The following ALDH8A1 variants were observed in gnomAD, a reference collection of about 807,000 sequenced individuals.
ALDH8A1 encodes the protein aldehyde dehydrogenase 8 family member A1.
A neutral mutation model predicts 43.3 loss-of-function variants in ALDH8A1; 39 were observed. The ratio of observed to expected loss-of-function variants is 0.90; its 90% confidence interval spans 0.70 to 1.18. ALDH8A1 has a LOEUF of 1.18. Ranked by LOEUF, ALDH8A1 falls within the 50% of genes most tolerant of loss-of-function variation. The pLI is 0.00. For synonymous variants in ALDH8A1, 233 were observed against 243.5 expected, an observed-to-expected ratio of 0.96 and a Z score of 0.40; for missense variants, 605 against 622.6, an observed-to-expected ratio of 0.97 and a Z score of 0.30.
Position 134,918,753 on chromosome 6 carries a change from T to C in ALDH8A1, c.1126A>G (p.Thr376Ala). Residue 376 changes from threonine to alanine, a missense_variant, in exon 7 of 7, where the codon ACG (threonine) becomes GCG (alanine). Thr to Ala is a moderately conservative substitution (Grantham distance 58). Transcript: ENST00000265605. ...RNQAGYFMLP[T>A]VITDIKDESC... Reference sequence around the variant, plus strand: ...TCATCCTTAATGTCTGTTATCACCGTGGGAAGCATAAAGTAGCCTGCCTGG... The same window carrying C: ...TCATCCTTAATGTCTGTTATCACCGCGGGAAGCATAAAGTAGCCTGCCTGG... 6.2e-7 allele frequency: 1 copy of C among 1,614,210 alleles called. No individual in the cohort carries two copies. The highest frequency in any genetic ancestry group is 2.2e-5 in the East Asian group (1 of 44,880).
chr6:134,943,728 C>A, intron 2 of ALDH8A1, 91 bp downstream of exon 2: 2 of 1,522,500 alleles, frequency 1.3e-6, no homozygotes, highest in Non-Finnish European at 1.8e-6. Flanking sequence ...GAGGAGCAGG[C>A]ACATGGGCTG....
intron 4 of ALDH8A1, among the ~76,000 whole-genome samples, chr6:134,938,769 T>C (rs1014398747): frequency 4.6e-5 from 7 of 152,046 alleles, no homozygotes; most frequent in African/African-American, 1.7e-4. Context: ...TGCCTCAGTC[T>C]CCCAAGTAGC....
At chr6:134,946,065 G>T (rs1318941412) in intron 1 of ALDH8A1, among the ~76,000 whole-genome samples, 1 of 152,208 alleles carries the variant, frequency 6.6e-6, no homozygotes, top group African/African-American at 2.4e-5. Flanking sequence ...CCCCAGCCAT[G>T]CAGGACTGAG....
rs745879607 is a variant in ALDH8A1 at position 134,929,081 on chromosome 6, A to G, written c.984T>C (p.Ala328=). The part of the protein sequence containing the change: ...IPSDPLVSIG[A]LISKAHLEKV... ...TCTCCAAATGTGCTTTACTTATCAG[A>G]GCACCTATGCTCACCAGTGGATCAG... is the stretch of plus-strand genomic sequence containing the variant. Residue 328 remains alanine, a synonymous_variant, in exon 6 of 7, where the codon GCT becomes GCC. Coordinates refer to ENST00000265605, the MANE Select transcript of ALDH8A1 (RefSeq NM_022568.4). The G allele has an allele frequency of 6.2e-7, 1 of 1,614,124 alleles. No homozygotes were observed. Among genetic ancestry groups the G allele is most frequent in the South Asian group, 1.1e-5 (1 of 91,048 alleles).
intron 1 of ALDH8A1, among the ~76,000 whole-genome samples, chr6:134,946,793 G>A (rs888532021): frequency 6.6e-6 from 1 of 150,944 alleles, no homozygotes. Flanking sequence ...CGCGCGCACA[G>A]GTGCGCATGT....
At chr6:134,949,126 C>A (rs1202278351) in intron 1 of ALDH8A1, among the ~76,000 whole-genome samples, 1 of 151,992 alleles carries the variant, frequency 6.6e-6, no homozygotes. Flanking sequence ...TTTAAATAAT[C>A]TAGTTATTTG....
intron 1 of ALDH8A1, among the ~76,000 whole-genome samples, chr6:134,948,632 G>A (rs1199495432): frequency 6.6e-6 from 1 of 152,174 alleles, no homozygotes; most frequent in African/African-American, 2.4e-5. Flanking sequence ...TGATGTTTTG[G>A]AAATTGGACA....
intron 2 of ALDH8A1, 101 bp downstream of exon 2, chr6:134,943,718 G>A: frequency 6.7e-7 from 1 of 1,501,020 alleles, no homozygotes; most frequent in Non-Finnish European, 9.0e-7. Context: ...ACTATTGCCA[G>A]AGGAGCAGGC....
intron 6 of ALDH8A1, among the ~76,000 whole-genome samples, chr6:134,927,187 A>C (rs1374848433): frequency 6.6e-6 from 1 of 152,222 alleles, no homozygotes. Flanking sequence ...TCATGAACAC[A>C]TAGAATCTGC....
chr6:134,935,923 G>T (rs1583030522), intron 4 of ALDH8A1, among the ~76,000 whole-genome samples: 1 of 151,478 alleles, frequency 6.6e-6, no homozygotes, highest in South Asian at 2.1e-4. Flanking sequence ...GATTCCACAA[G>T]TTGTGATGGT....
rs546481623 is a variant in ALDH8A1 at position 134,942,178 on chromosome 6, C to A, written c.442+231G>T. 199 of 353,874 alleles carry A rather than the reference C, an allele frequency of 5.6e-4. 2 individuals are homozygous for A. The highest frequency in any genetic ancestry group is 3.8e-3 in the African/African-American group (182 of 47,712). The allele number at this position is 353,874 out of a possible 1,614,324, so 21.9% of individuals were successfully genotyped here. A position where few individuals can be genotyped will look rare whatever the true frequency, so the allele number is the denominator to read the frequency against. ...GAGGTTGCAGTGAGCCGAGATCATG[C>A]CACTGCACTCCAGCCTGGGCGACAG... On this transcript the variant is annotated intron_variant, in intron 3 of 6. Transcript: ENST00000265605.
intron 1 of ALDH8A1, among the ~76,000 whole-genome samples, chr6:134,947,526 A>G (rs939428079): frequency 1.3e-5 from 2 of 152,184 alleles, no homozygotes; most frequent in African/African-American, 4.8e-5. Context: ...GAGCTTGTAT[A>G]TATACATATA....
intron 6 of ALDH8A1, among the ~76,000 whole-genome samples, chr6:134,921,861 A>G (rs1776804569): frequency 1.3e-5 from 2 of 152,194 alleles, no homozygotes; most frequent in African/African-American, 4.8e-5. Context: ...TCCAGCCCAG[A>G]TGGTTTGGCA....
chr6:134,924,422 G>A (rs1776853318), intron 6 of ALDH8A1, among the ~76,000 whole-genome samples: 1 of 152,136 alleles, frequency 6.6e-6, no homozygotes, highest in Admixed American at 6.5e-5. Context: ...CCTTGGACTG[G>A]TGCCTCCATT....
rs147263960 is a variant in ALDH8A1 at position 134,936,750 on chromosome 6, T to C, written c.592+2516A>G. Among the ~76,000 whole-genome samples, 7 of 152,362 alleles carry C rather than the reference T, an allele frequency of 4.6e-5. No homozygotes were observed. The East Asian group carries it at 5.8e-4, about 13-fold the overall frequency. On this transcript the variant is annotated intron_variant, in intron 4 of 6. Coordinates refer to ENST00000265605, the MANE Select transcript of ALDH8A1 (RefSeq NM_022568.4). Reference sequence around the variant, plus strand: ...ATTCCCTTGGGCTTGGATGCTAATGTCAGCTGGCCATTATTTCTCAGTACC... The same window carrying C: ...ATTCCCTTGGGCTTGGATGCTAATGCCAGCTGGCCATTATTTCTCAGTACC...
intron 6 of ALDH8A1, among the ~76,000 whole-genome samples, chr6:134,919,256 G>A (rs1190488683): frequency 1.3e-5 from 2 of 152,156 alleles, no homozygotes; most frequent in African/African-American, 2.4e-5. Context: ...AAACAGTAAA[G>A]TTAGAATTCA....
At chr6:134,939,758 C>T (rs1363124713) in intron 3 of ALDH8A1, among the ~76,000 whole-genome samples, 1 of 152,154 alleles carries the variant, frequency 6.6e-6, no homozygotes. Flanking sequence ...AAGATACATG[C>T]ACGCGTATGT....
chr6:134,932,184 G>A (rs913686643), intron 5 of ALDH8A1, among the ~76,000 whole-genome samples: 1 of 152,168 alleles, frequency 6.6e-6, no homozygotes, highest in Non-Finnish European at 1.5e-5. Context: ...ATCTGGTGTA[G>A]TGTTCTTAAC....
intron 1 of ALDH8A1, 94 bp from the exon 2 acceptor site, chr6:134,944,060 T>TTTTTGTTTTG (rs4646872): frequency 9.6e-5 from 124 of 1,297,226 alleles, no homozygotes; most frequent in Middle Eastern, 2.5e-4. Flanking sequence ...ACACACCTCA[T>TTTTTGTTTTG]TTTTGTTTTG....
Sources: allele counts gnomAD v4.1 joint callset (sites outside exome capture counted in the v4.1 genomes callset), GRCh38; gene constraint gnomAD v4.1.1; transcripts MANE v1.5; gene names NCBI Gene and HGNC (gene_info 2026-07-23, HGNC 2026-07-21).